Variants in ITFG1 observed in about 807,000 individuals in gnomAD.
ITFG1 encodes T-cell immunomodulatory protein.
Under a neutral mutation model 81.8 loss-of-function variants are expected in ITFG1, and 34 were observed. That is an observed-to-expected ratio of 0.42 (90% CI 0.32 to 0.55). The LOEUF is 0.55. Ranked by LOEUF, ITFG1 falls within the 20% of genes least tolerant of loss-of-function variation. The probability of loss-of-function intolerance (pLI) is 0.17; values close to 1 mark genes in which losing one functional copy is unlikely to be tolerated. For missense variants in ITFG1, 672 were observed against 755.4 expected, an observed-to-expected ratio of 0.89 and a Z score of 1.29; for synonymous variants, 285 against 270.6, an observed-to-expected ratio of 1.05 and a Z score of -0.52.
intron 6 of ITFG1, among the ~76,000 whole-genome samples, chr16:47,398,733 G>C (rs1363770308): frequency 6.6e-6 from 1 of 152,186 alleles, no homozygotes; most frequent in Non-Finnish European, 1.5e-5. Context: ...TTTCTGTTCA[G>C]AATGATATCA....
intron 8 of ITFG1, among the ~76,000 whole-genome samples, chr16:47,365,139 G>A (rs1260056966): frequency 6.6e-6 from 1 of 152,176 alleles, no homozygotes; most frequent in Non-Finnish European, 1.5e-5. Context: ...TCTACATTTT[G>A]AGGAAAGCCT....
At chr16:47,461,216 T>C (rs895489702), upstream of ITFG1, 73 of 966,814 alleles carry the variant, frequency 7.6e-5, no homozygotes, top group Non-Finnish European at 1.0e-4. Flanking sequence ...AAAAAAGCAG[T>C]GGAGCTAGGG....
intron 10 of ITFG1, 52 bp from the exon 11 acceptor site, chr16:47,260,747 A>T: frequency 6.3e-7 from 1 of 1,575,196 alleles, no homozygotes; most frequent in Non-Finnish European, 8.7e-7. Flanking sequence ...ACACTGTGGC[A>T]TCGGCTCTGT....
At chr16:47,276,038 C>G (rs920472570) in intron 10 of ITFG1, among the ~76,000 whole-genome samples, 1 of 151,980 alleles carries the variant, frequency 6.6e-6, no homozygotes, top group Non-Finnish European at 1.5e-5. Flanking sequence ...CTACTCAACA[C>G]TGTAATGAAG....
At chr16:47,384,708 T>A (rs1464746932) in intron 6 of ITFG1, among the ~76,000 whole-genome samples, 1 of 152,226 alleles carries the variant, frequency 6.6e-6, no homozygotes, top group Admixed American at 6.5e-5. Flanking sequence ...TTTTTCCACG[T>A]CATATCCACC....
chr16:47,286,353 C>A (rs927127288), intron 10 of ITFG1, among the ~76,000 whole-genome samples: 2 of 151,064 alleles, frequency 1.3e-5, no homozygotes, highest in African/African-American at 4.9e-5. Context: ...AAGATAATTG[C>A]CAGAGGCTGG....
chr16:47,297,389 C>T (rs1202784531), intron 10 of ITFG1, among the ~76,000 whole-genome samples: 1 of 152,070 alleles, frequency 6.6e-6, no homozygotes, highest in Admixed American at 6.5e-5. Context: ...CAATTTATAT[C>T]TTTTAAGTGG....
Position 47,310,244 on chromosome 16 carries a change from AT to A in ITFG1, c.1070+995del, listed in dbSNP as rs950340964. Among the ~76,000 whole-genome samples, 45 of 152,330 alleles carry A rather than the reference AT, an allele frequency of 3.0e-4. 1 individual carries two copies. Among genetic ancestry groups the A allele is most frequent in the Non-Finnish European group, 1.0e-4 (7 of 68,024 alleles). On this transcript the variant is annotated intron_variant, in intron 10 of 17. Transcript: ENST00000320640. ...TGATAAATATTTCTCTAAATATCAG[AT>A]TTCAGGACAACACTGTTTGGAGTTA...
At chr16:47,227,728 G>T (rs1372178992) in intron 13 of ITFG1, among the ~76,000 whole-genome samples, 1 of 152,026 alleles carries the variant, frequency 6.6e-6, no homozygotes, top group Admixed American at 6.6e-5. Context: ...CAAATCATTG[G>T]CTCTGGATGA....
intron 6 of ITFG1, among the ~76,000 whole-genome samples, chr16:47,380,036 C>A (rs1399837835): frequency 2.2e-5 from 3 of 136,186 alleles, no homozygotes; most frequent in Non-Finnish European, 4.6e-5. Context: ...GGAAGAGGGT[C>A]TCTTGGGTAG....
intron 10 of ITFG1, among the ~76,000 whole-genome samples, chr16:47,264,118 A>G (rs1427991775): frequency 6.6e-6 from 1 of 152,202 alleles, no homozygotes; most frequent in Non-Finnish European, 1.5e-5. Flanking sequence ...CAATCATAAC[A>G]TTCAATAGAG....
At chr16:47,335,437 G>C (rs926832133) in intron 8 of ITFG1, among the ~76,000 whole-genome samples, 2 of 152,024 alleles carry the variant, frequency 1.3e-5, no homozygotes, top group African/African-American at 4.8e-5. Context: ...GACATAAAAA[G>C]ACAAGCTGCA....
chr16:47,277,318 T>A (rs370531008), intron 10 of ITFG1, among the ~76,000 whole-genome samples: 4 of 152,140 alleles, frequency 2.6e-5, no homozygotes, highest in African/African-American at 9.7e-5. Flanking sequence ...ACACATGAGA[T>A]TGGTTCCAGG....
intron 14 of ITFG1, among the ~76,000 whole-genome samples, chr16:47,178,707 A>G (rs1006194469): frequency 6.6e-6 from 1 of 152,238 alleles, no homozygotes; most frequent in Non-Finnish European, 1.5e-5. Flanking sequence ...AATGGCAACA[A>G]AAGCCAAAAT....
chr16:47,372,578 C>T (rs989835379), intron 7 of ITFG1, among the ~76,000 whole-genome samples: 1 of 151,952 alleles, frequency 6.6e-6, no homozygotes. Flanking sequence ...CTCAGCCTCC[C>T]AAGTAGCTGG....
At chr16:47,364,948 G>A (rs113913233) in intron 8 of ITFG1, among the ~76,000 whole-genome samples, 223 of 152,314 alleles carry the variant, frequency 1.5e-3, no homozygotes, top group African/African-American at 5.1e-3. Context: ...CAAGTAGCTC[G>A]GGCTATAGGC....
chr16:47,309,074 T>TC lies in ITFG1; in HGVS notation c.1070+2165_1070+2166insG, dbSNP rs1427078965. Among the ~76,000 whole-genome samples, 60 of 150,738 alleles carry TC rather than the reference T, an allele frequency of 4.0e-4. 1 individual carries two copies. The highest frequency in any genetic ancestry group is 1.4e-3 in the African/African-American group (58 of 41,130). On this transcript the variant is annotated intron_variant, in intron 10 of 17. Transcript: ENST00000320640. ...TACATTATTAACATAACTTCTTTTT[T>TC]TTTTTTTTTTTTGAGATGGCGTCTT... is the stretch of plus-strand genomic sequence containing the variant.
chr16:47,333,116 T>C (rs1967656845), intron 8 of ITFG1, among the ~76,000 whole-genome samples: 1 of 152,132 alleles, frequency 6.6e-6, no homozygotes, highest in Non-Finnish European at 1.5e-5. Flanking sequence ...GGGTATGTCC[T>C]GGGATGGAAG....
At chr16:47,325,974 T>G (rs1026361566) in intron 8 of ITFG1, among the ~76,000 whole-genome samples, 2 of 152,332 alleles carry the variant, frequency 1.3e-5, no homozygotes, top group East Asian at 3.9e-4. Flanking sequence ...ACTCATTTTA[T>G]GAGGCCAGCA....
Sources: gnomAD v4.1 joint callset for allele counts (sites outside exome capture counted in the v4.1 genomes callset) on GRCh38, gnomAD v4.1.1 for gene constraint, MANE v1.5 for transcripts, NCBI Gene and HGNC (gene_info 2026-07-23, HGNC 2026-07-21) for gene names.